MED13L: variants seen among roughly 807,000 people sequenced by gnomAD.
The protein encoded by MED13L is mediator complex subunit 13L, also known as mediator of RNA polymerase II transcription subunit 13-like.
A neutral mutation model predicts 220.9 loss-of-function variants in MED13L; 7 were observed. The ratio of observed to expected loss-of-function variants is 0.03; its 90% confidence interval spans 0.02 to 0.06. MED13L has a LOEUF of 0.06. Ranked by LOEUF, MED13L falls within the 10% of genes least tolerant of loss-of-function variation. MED13L has a pLI of 1.00. For missense variants in MED13L, 1,965 were observed against 2,760.5 expected (o/e 0.71, Z 6.46); for synonymous variants, 1,011 against 1,015.2 (o/e 1.00, Z 0.08).
chr12:116,238,404 A>T (rs1229743828), intron 1 of MED13L, among the ~76,000 whole-genome samples: 1 of 152,240 alleles, frequency 6.6e-6, no homozygotes, highest in Non-Finnish European at 1.5e-5. Flanking sequence ...TGTATCTTTG[A>T]TCCATTACAT....
At chr12:116,088,403 G>A (rs1013811999) in intron 4 of MED13L, among the ~76,000 whole-genome samples, 2 of 152,140 alleles carry the variant, frequency 1.3e-5, no homozygotes, top group African/African-American at 4.8e-5. Flanking sequence ...CCCTCGGAAG[G>A]CTAAAACAGT....
At chr12:116,112,979 T>G (rs1229944398) in intron 2 of MED13L, among the ~76,000 whole-genome samples, 1 of 152,234 alleles carries the variant, frequency 6.6e-6, no homozygotes, top group African/African-American at 2.4e-5. Flanking sequence ...TGACAAACTA[T>G]AACATCATTC....
At chr12:116,150,538 C>G (rs1877955496) in intron 2 of MED13L, among the ~76,000 whole-genome samples, 1 of 152,110 alleles carries the variant, frequency 6.6e-6, no homozygotes, top group African/African-American at 2.4e-5. Flanking sequence ...ATTCTGCTCT[C>G]GTGTTCCACT....
At chr12:116,096,073 G>T (rs1210635616) in intron 4 of MED13L, among the ~76,000 whole-genome samples, 1 of 151,904 alleles carries the variant, frequency 6.6e-6, no homozygotes, top group African/African-American at 2.4e-5. Context: ...CAATGATGAG[G>T]CCGGGCGCAA....
At chr12:116,051,021 T>C (rs1003938559) in intron 4 of MED13L, among the ~76,000 whole-genome samples, 3 of 152,192 alleles carry the variant, frequency 2.0e-5, no homozygotes, top group Admixed American at 6.5e-5. Flanking sequence ...AACATATCTT[T>C]AAATGTATAT....
chr12:116,084,746 C>G (rs1871497833), intron 4 of MED13L, among the ~76,000 whole-genome samples: 1 of 151,320 alleles, frequency 6.6e-6, no homozygotes, highest in African/African-American at 2.4e-5. Context: ...CAGTCTCCAG[C>G]CTGGGTGACA....
intron 2 of MED13L, among the ~76,000 whole-genome samples, chr12:116,132,899 G>A (rs1013982353): frequency 4.0e-5 from 6 of 151,692 alleles, no homozygotes; most frequent in Admixed American, 6.6e-5. Flanking sequence ...GTGACAAAGC[G>A]AGACTCTGTC....
At chr12:116,160,358 G>A (rs957242406) in intron 2 of MED13L, among the ~76,000 whole-genome samples, 2 of 152,094 alleles carry the variant, frequency 1.3e-5, no homozygotes, top group Non-Finnish European at 2.9e-5. Flanking sequence ...AACAAACTTA[G>A]TCCAAACAAA....
At chr12:116,156,889 C>T (rs1480739106) in intron 2 of MED13L, among the ~76,000 whole-genome samples, 1 of 152,112 alleles carries the variant, frequency 6.6e-6, no homozygotes, top group Non-Finnish European at 1.5e-5. Context: ...GAGTACAAGA[C>T]AGAAGCTGAA....
At chr12:116,237,225 T>C (rs577121974) in intron 2 of MED13L, among the ~76,000 whole-genome samples, 2 of 152,208 alleles carry the variant, frequency 1.3e-5, no homozygotes, top group East Asian at 1.9e-4. Context: ...GGAGACACAA[T>C]ACTCTCATTT....
At chr12:116,161,527 G>A (rs1004968400) in intron 2 of MED13L, among the ~76,000 whole-genome samples, 1 of 152,102 alleles carries the variant, frequency 6.6e-6, no homozygotes, top group Non-Finnish European at 1.5e-5. Flanking sequence ...AATATTTACT[G>A]AGTATTTACT....
intron 4 of MED13L, among the ~76,000 whole-genome samples, chr12:116,039,192 T>C (rs1881378482): frequency 6.6e-6 from 1 of 152,218 alleles, no homozygotes; most frequent in Non-Finnish European, 1.5e-5. Flanking sequence ...ATCTACCTTT[T>C]CACATCACTA....
rs781631656 is a variant in MED13L at position 116,019,400 on chromosome 12, A to G, written c.833T>C (p.Met278Thr). ...CAAAACAAATGCTGAAGGGTAAACC[A>G]TCCGAACACCACCTATAAGCAAAGA... ...AVEVIVGGVR[M>T]VYPSAFVLIS... is the part of the protein sequence containing the mutation. The change falls in exon 7 of 31, where the codon ATG becomes ACG. Residue 278 changes from methionine to threonine, a missense_variant. By Grantham distance (81) the Met-to-Thr change is moderately conservative. Coordinates refer to ENST00000281928, the MANE Select transcript of MED13L (RefSeq NM_015335.5). 8.1e-6 allele frequency: 13 copies of G among 1,613,976 alleles called. 1 individual carries two copies. In the South Asian group the frequency reaches 1.2e-4, roughly 15 times the overall value.
At chr12:115,993,341 T>C (rs1878190466) in intron 16 of MED13L, among the ~76,000 whole-genome samples, 1 of 152,166 alleles carries the variant, frequency 6.6e-6, no homozygotes, top group African/African-American at 2.4e-5. Context: ...CTTTTATATA[T>C]ATTAATACTG....
intron 1 of MED13L, 24 bp downstream of exon 1, chr12:116,277,036 C>A (rs1396939851): frequency 1.3e-6 from 2 of 1,562,174 alleles, no homozygotes; most frequent in East Asian, 2.3e-5. Context: ...GGCACAGCCC[C>A]CTCCCCGCAG....
At chr12:116,041,544 T>G (rs1042844468) in intron 4 of MED13L, among the ~76,000 whole-genome samples, 3 of 152,296 alleles carry the variant, frequency 2.0e-5, no homozygotes, top group Admixed American at 2.0e-4. Context: ...GAATTTTGTA[T>G]AAAGTAAAAC....
At chr12:116,148,915 G>T (rs999755096) in intron 2 of MED13L, among the ~76,000 whole-genome samples, 1 of 152,010 alleles carries the variant, frequency 6.6e-6, no homozygotes, top group Non-Finnish European at 1.5e-5. Context: ...CTAAAGCATG[G>T]CTCTGATCAT....
At chr12:116,047,324 C>T (rs1393255975) in intron 4 of MED13L, among the ~76,000 whole-genome samples, 2 of 152,132 alleles carry the variant, frequency 1.3e-5, no homozygotes, top group African/African-American at 4.8e-5. Flanking sequence ...TGGACCCCAG[C>T]CTGGGTGACA....
chr12:116,242,032 C>T (rs1870696336), intron 1 of MED13L, among the ~76,000 whole-genome samples: 1 of 149,496 alleles, frequency 6.7e-6, no homozygotes, highest in East Asian at 2.0e-4. Context: ...ATTAAGTGCA[C>T]TCCAAGTTCT....
Sources: allele counts gnomAD v4.1 joint callset (sites outside exome capture counted in the v4.1 genomes callset), GRCh38; gene constraint gnomAD v4.1.1; transcripts MANE v1.5; gene names NCBI Gene and HGNC (gene_info 2026-07-23, HGNC 2026-07-21).